CCDC18: variants seen among roughly 807,000 people sequenced by gnomAD.
The protein encoded by CCDC18 is coiled-coil domain containing 18, also known as coiled-coil domain-containing protein 18.
Under a neutral mutation model 196.0 loss-of-function variants are expected in CCDC18, and 157 were observed. The ratio of observed to expected loss-of-function variants is 0.80; its 90% CI spans 0.70 to 0.91. The LOEUF is 0.91. CCDC18 is among the 40% of genes least tolerant of loss of function. The probability of loss-of-function intolerance (pLI) is 0.00; values close to 1 mark genes in which losing one functional copy is unlikely to be tolerated. For synonymous variants in CCDC18, 482 were observed against 529.2 expected (o/e 0.91, Z 1.22); for missense variants, 1,465 against 1,611.6 (o/e 0.91, Z 1.56).
At chr1:93,268,721 A>G (rs1292487459) in intron 27 of CCDC18, among the ~76,000 whole-genome samples, 10 of 152,214 alleles carry the variant, frequency 6.6e-5, no homozygotes, top group African/African-American at 2.2e-4. Flanking sequence ...CAAAACCACA[A>G]TGAGATACCA....
intron 9 of CCDC18, among the ~76,000 whole-genome samples, chr1:93,210,382 G>A (rs1199806768): frequency 6.6e-6 from 1 of 151,968 alleles, no homozygotes; most frequent in African/African-American, 2.4e-5. Flanking sequence ...AATCTTCTTT[G>A]TGTACCTTGT....
intron 25 of CCDC18, 47 bp from the exon 26 acceptor site, chr1:93,258,698 TAAC>T: frequency 6.9e-7 from 1 of 1,444,612 alleles, no homozygotes. Context: ...TTAGCTATAA[TAAC>T]CAAATAAACA....
Position 93,256,616 on chromosome 1 carries a change from T to C in CCDC18, c.3546+78T>C, listed in dbSNP as rs1662994059. 3.4e-6 allele frequency: 4 copies of C among 1,193,932 alleles called. No individual in the cohort carries two copies. The South Asian group carries it at 4.1e-5, about 12-fold the overall frequency. 74.0% of individuals were successfully genotyped at this position (1,193,932 alleles called of 1,614,324 possible). A position where few individuals can be genotyped will look rare whatever the true frequency, so the allele number is the denominator to read the frequency against. ...ATTTTTTTTGAACTGTAGAATATAG[T>C]TCTTTCAAAAATGAACTGTATTGCA... On this transcript the variant is annotated intron_variant, in intron 25 of 28. Transcript: ENST00000690025.
At chr1:93,208,595 C>G (rs559948220) in intron 9 of CCDC18, among the ~76,000 whole-genome samples, 6 of 146,990 alleles carry the variant, frequency 4.1e-5, no homozygotes, top group South Asian at 4.4e-4. Flanking sequence ...ATGCCTGGCC[C>G]TAATTTACAT....
chr1:93,180,780 C>T lies in CCDC18; in HGVS notation c.-75C>T. 7.3e-7 allele frequency: 1 copy of T among 1,367,752 alleles called. No individual in the cohort carries two copies. The highest frequency in any genetic ancestry group is 1.1e-5 in the South Asian group (1 of 88,050). The allele number at this position is 1,367,752 out of a possible 1,614,324, so 84.7% of individuals were successfully genotyped here. A position where few individuals can be genotyped will look rare whatever the true frequency, so the allele number is the denominator to read the frequency against. On this transcript the variant is annotated 5_prime_UTR_variant, in exon 1 of 29. Transcript: ENST00000690025. ...GTTCTCCGAGTTGTGTCCGAGGCTTCCACGCGCAGGGGCCCGGGAAAGGGT... is the reference window on the plus strand; with the variant it reads ...GTTCTCCGAGTTGTGTCCGAGGCTTTCACGCGCAGGGGCCCGGGAAAGGGT...
intron 4 of CCDC18, among the ~76,000 whole-genome samples, chr1:93,189,908 C>T (rs1490950261): frequency 6.6e-6 from 1 of 152,154 alleles, no homozygotes; most frequent in East Asian, 1.9e-4. Context: ...CTCAAGCGAT[C>T]CACCCACCTC....
chr1:93,264,937 T>C, intron 27 of CCDC18, 36 bp downstream of exon 27: 1 of 1,420,296 alleles, frequency 7.0e-7, no homozygotes, highest in Non-Finnish European at 9.9e-7. Context: ...AGCATATCTA[T>C]GAAAACATAA....
At chr1:93,188,234 G>T (rs998008906) in intron 4 of CCDC18, among the ~76,000 whole-genome samples, 3 of 152,174 alleles carry the variant, frequency 2.0e-5, no homozygotes, top group African/African-American at 7.2e-5. Context: ...TATTGAGACT[G>T]TTTTGCAGAA....
chr1:93,237,473 C>T (rs1318863168), intron 19 of CCDC18, among the ~76,000 whole-genome samples: 1 of 152,194 alleles, frequency 6.6e-6, no homozygotes, highest in Non-Finnish European at 1.5e-5. Context: ...AAGACTTCTA[C>T]TGTGCCTTTT....
chr1:93,190,057 T>G (rs1651459311), intron 4 of CCDC18, among the ~76,000 whole-genome samples: 1 of 151,998 alleles, frequency 6.6e-6, no homozygotes, highest in African/African-American at 2.4e-5. Context: ...TTTCTGAAGT[T>G]TTTTTTTGTT....
chr1:93,200,410 G>A (rs1240591820), intron 6 of CCDC18, among the ~76,000 whole-genome samples: 4 of 150,686 alleles, frequency 2.7e-5, no homozygotes, highest in African/African-American at 9.8e-5. Context: ...GGAGGCCAAA[G>A]TGCGAGTATT....
At position 93,239,447 on chromosome 1, in the gene CCDC18, C is replaced by A; in HGVS notation, c.2741C>A (p.Thr914Lys). 6.2e-7 allele frequency: 1 copy of A among 1,610,752 alleles called. No homozygotes were observed. The highest frequency in any genetic ancestry group is 8.5e-7 in the Non-Finnish European group (1 of 1,178,872). Residue 914 changes from threonine to lysine, a missense_variant, in exon 20 of 29, where the codon ACA becomes AAA. Thr to Lys is a moderately conservative substitution (Grantham distance 78). Coordinates refer to ENST00000690025, the MANE Select transcript of CCDC18 (RefSeq NM_001378204.1). Reference sequence around the variant, plus strand: ...GATATGATCTTAGATCAGACAAAGACAGAGCTAGAAAAGAAAACAAATGCT... The same window carrying A: ...GATATGATCTTAGATCAGACAAAGAAAGAGCTAGAAAAGAAAACAAATGCT... ...QLDMILDQTK[T>K]ELEKKTNAVK...
At position 93,186,783 on chromosome 1, in the gene CCDC18, A is replaced by G. The variant is rs143072039; in HGVS notation, c.462+280A>G. Among the ~76,000 whole-genome samples the G allele has an allele frequency of 8.7e-4, 132 of 152,168 alleles. 1 individual carries two copies. The highest frequency in any genetic ancestry group is 3.1e-3 in the African/African-American group (129 of 41,572). ...GTTTTATTTTTTATACAAAGGAAGT[A>G]TAACTTACTTATCTTCCCTTTTAAA... On this transcript the variant is annotated intron_variant, in intron 4 of 28. Coordinates refer to ENST00000690025, the MANE Select transcript of CCDC18 (RefSeq NM_001378204.1).
rs533572709 is a variant in CCDC18, at chr1:93,180,811, G to A, written c.-44G>A. 2.9e-6 allele frequency: 4 copies of A among 1,367,808 alleles called. No homozygotes were observed. Among genetic ancestry groups the A allele is most frequent in the Non-Finnish European group, 3.9e-6 (4 of 1,022,000 alleles). 84.7% of individuals were successfully genotyped at this position (1,367,808 alleles called of 1,614,324 possible). A position where few individuals can be genotyped will look rare whatever the true frequency, so the allele number is the denominator to read the frequency against. On this transcript the variant is annotated 5_prime_UTR_variant, in exon 1 of 29. Coordinates refer to ENST00000690025, the MANE Select transcript of CCDC18 (RefSeq NM_001378204.1). ...GCAGGGGCCCGGGAAAGGGTCAGAG[G>A]CTTCCTAACGCAGACTCGAGTGCGA...
chr1:93,190,750 G>T (rs1230061640), intron 4 of CCDC18: 8 of 582,734 alleles, frequency 1.4e-5, no homozygotes, highest in Non-Finnish European at 2.2e-5. Flanking sequence ...TTAGAACTGG[G>T]TCACTTGGCT....
intron 23 of CCDC18, among the ~76,000 whole-genome samples, chr1:93,252,651 G>T (rs540993959): frequency 3.5e-4 from 53 of 152,166 alleles, no homozygotes; most frequent in Non-Finnish European, 3.5e-4. Context: ...TGGTAAGGTT[G>T]TATTTCTTTC....
At chr1:93,239,538 G>A (rs1660489865) in intron 20 of CCDC18, 65 bp downstream of exon 20, 2 of 1,516,194 alleles carry the variant, frequency 1.3e-6, no homozygotes, top group Admixed American at 2.1e-5. Context: ...GAAATAATGT[G>A]AGAATTTGAG....
At position 93,232,353 on chromosome 1, in the gene CCDC18, C is replaced by T. The variant is rs552964119; in HGVS notation, c.2293-73C>T. 5.5e-4 allele frequency: 482 copies of T among 875,580 alleles called. 4 individuals are homozygous for T. The highest frequency in any genetic ancestry group is 1.4e-3 in the South Asian group (74 of 54,458). 54.2% of individuals were successfully genotyped at this position (875,580 alleles called of 1,614,324 possible). On this transcript the variant is annotated intron_variant, in intron 17 of 28. Transcript: ENST00000690025. ...GTGGATGGTTATCTAATAAGGAGGA[C>T]AGCTTTGACATTTTATTGCCATTTA...
intron 4 of CCDC18, among the ~76,000 whole-genome samples, chr1:93,187,426 T>G (rs1650903943): frequency 6.6e-6 from 1 of 151,992 alleles, no homozygotes. Flanking sequence ...TTATAAGAAG[T>G]GTGCATGTGT....
Sources: gnomAD v4.1 joint callset for allele counts (sites outside exome capture counted in the v4.1 genomes callset) on GRCh38, gnomAD v4.1.1 for gene constraint, MANE v1.5 for transcripts, NCBI Gene and HGNC (gene_info 2026-07-23, HGNC 2026-07-21) for gene names.